Variants in SND1 observed in about 807,000 individuals in gnomAD.
SND1 encodes the protein staphylococcal nuclease and tudor domain containing 1, also known as staphylococcal nuclease domain-containing protein 1.
A neutral mutation model predicts 121.7 loss-of-function variants in SND1; 38 were observed. That is an observed-to-expected ratio of 0.31 (90% CI 0.24 to 0.41). The LOEUF (loss-of-function observed/expected upper bound fraction) is 0.41, where lower values mean the gene tolerates loss of function less well. Among genes scored for constraint, SND1 ranks in the 10% least tolerant of loss-of-function variants. The pLI is 1.00. For missense variants in SND1, 868 were observed against 1,184.6 expected (o/e 0.73, Z 3.92); for synonymous variants, 401 against 447.4 (o/e 0.90, Z 1.31).
chr7:127,704,568 A>G (rs189545020), intron 7 of SND1, among the ~76,000 whole-genome samples: 38 of 152,350 alleles, frequency 2.5e-4, no homozygotes, highest in Admixed American at 1.1e-3. Context: ...ATTCAGTGCC[A>G]CTAGCATTTA....
intron 12 of SND1, among the ~76,000 whole-genome samples, chr7:127,845,342 T>G (rs1361635393): frequency 1.3e-5 from 2 of 152,240 alleles, no homozygotes; most frequent in African/African-American, 4.8e-5. Context: ...ATGACTATTT[T>G]TAGCCACTGC....
chr7:127,729,928 G>A (rs533456700), intron 10 of SND1, among the ~76,000 whole-genome samples: 57 of 152,224 alleles, frequency 3.7e-4, no homozygotes, highest in African/African-American at 1.3e-3. Flanking sequence ...GAAAATCTAC[G>A]GTCAATTTAT....
chr7:127,813,737 A>AT (rs1419696867), intron 11 of SND1, among the ~76,000 whole-genome samples: 5 of 152,024 alleles, frequency 3.3e-5, no homozygotes, highest in East Asian at 1.9e-4. Context: ...AATTTTTTAT[A>AT]TTTTTAGTGG....
intron 16 of SND1, among the ~76,000 whole-genome samples, chr7:128,056,946 A>C (rs935051706): frequency 3.9e-5 from 6 of 152,178 alleles, no homozygotes; most frequent in Admixed American, 6.5e-5. Context: ...ATTCCATGAC[A>C]GTCGATTTGG....
chr7:127,785,329 A>T (rs1797792722), intron 10 of SND1, among the ~76,000 whole-genome samples: 1 of 152,218 alleles, frequency 6.6e-6, no homozygotes, highest in Non-Finnish European at 1.5e-5. Flanking sequence ...AAGATTTTTT[A>T]ATAACTGCTT....
At chr7:127,730,924 C>A (rs1476358892) in intron 10 of SND1, among the ~76,000 whole-genome samples, 1 of 152,248 alleles carries the variant, frequency 6.6e-6, no homozygotes, top group East Asian at 1.9e-4. Context: ...GAACGCGGGA[C>A]TTTTTTCACA....
chr7:127,990,602 A>T (rs1407737881), intron 15 of SND1, among the ~76,000 whole-genome samples: 2 of 152,222 alleles, frequency 1.3e-5, no homozygotes, highest in Non-Finnish European at 2.9e-5. Context: ...GAGATGGCTC[A>T]AGCTGCGAGA....
chr7:127,709,874 G>A (rs774597622), intron 9 of SND1, among the ~76,000 whole-genome samples: 2 of 152,060 alleles, frequency 1.3e-5, no homozygotes, highest in Non-Finnish European at 2.9e-5. Flanking sequence ...TTTAAAACTT[G>A]ACTTTTAAAA....
intron 16 of SND1, among the ~76,000 whole-genome samples, chr7:128,001,169 G>A (rs532190208): frequency 4.6e-5 from 7 of 152,242 alleles, no homozygotes; most frequent in South Asian, 2.1e-4. Flanking sequence ...GAAATGCTGC[G>A]GTGCATGAAA....
At chr7:128,036,614 C>A (rs1792755529) in intron 16 of SND1, among the ~76,000 whole-genome samples, 1 of 152,216 alleles carries the variant, frequency 6.6e-6, no homozygotes, top group Admixed American at 6.5e-5. Context: ...TTAGTACAAA[C>A]GGTAAAGAGA....
chr7:127,743,474 C>T (rs1264171682), intron 10 of SND1, among the ~76,000 whole-genome samples: 1 of 152,200 alleles, frequency 6.6e-6, no homozygotes, highest in Non-Finnish European at 1.5e-5. Flanking sequence ...GCAAAATAGC[C>T]CCCAACGTTT....
chr7:128,090,736 C>T (rs1040487094), intron 22 of SND1, among the ~76,000 whole-genome samples: 5 of 152,176 alleles, frequency 3.3e-5, no homozygotes, highest in Non-Finnish European at 5.9e-5. Flanking sequence ...CATAATGTGT[C>T]GGTGGCTGTG....
chr7:127,944,882 C>T (rs1054263826), intron 15 of SND1, among the ~76,000 whole-genome samples: 3 of 152,194 alleles, frequency 2.0e-5, no homozygotes, highest in South Asian at 2.1e-4. Flanking sequence ...ATCACATATT[C>T]CCATGCATAT....
intron 11 of SND1, among the ~76,000 whole-genome samples, chr7:127,833,295 T>C (rs1295897606): frequency 1.3e-5 from 2 of 149,326 alleles, no homozygotes; most frequent in Non-Finnish European, 3.0e-5. Context: ...AGATGGAGTC[T>C]TGCTCTGTCA....
At chr7:127,825,478 G>T (rs1312744728) in intron 11 of SND1, among the ~76,000 whole-genome samples, 1 of 151,274 alleles carries the variant, frequency 6.6e-6, no homozygotes, top group Non-Finnish European at 1.5e-5. Flanking sequence ...TATGATCTTG[G>T]TTCACTACAA....
At chr7:128,038,682 G>T (rs948645274) in intron 16 of SND1, among the ~76,000 whole-genome samples, 1 of 143,862 alleles carries the variant, frequency 7.0e-6, no homozygotes, top group Non-Finnish European at 1.6e-5. Context: ...ACAGTTACTG[G>T]GTTGGGTTTT....
At chr7:128,001,437 A>G (rs1045593549) in intron 16 of SND1, among the ~76,000 whole-genome samples, 1 of 152,230 alleles carries the variant, frequency 6.6e-6, no homozygotes, top group African/African-American at 2.4e-5. Context: ...CTCAGTGCCT[A>G]TTAGAATTTA....
chr7:127,664,154 T>C (rs1052197975), intron 1 of SND1, among the ~76,000 whole-genome samples: 3 of 152,148 alleles, frequency 2.0e-5, no homozygotes, highest in African/African-American at 7.2e-5. Context: ...TTTTGTATTT[T>C]TTGTAGAGGC....
At chr7:127,859,659 C>G (rs1168552333) in intron 12 of SND1, among the ~76,000 whole-genome samples, 1 of 152,120 alleles carries the variant, frequency 6.6e-6, no homozygotes, top group Non-Finnish European at 1.5e-5. Context: ...GATAGACTCA[C>G]CTGGAGCACT....
Sources: allele counts gnomAD v4.1 joint callset (sites outside exome capture counted in the v4.1 genomes callset), GRCh38; gene constraint gnomAD v4.1.1; transcripts MANE v1.5; gene names NCBI Gene and HGNC (gene_info 2026-07-23, HGNC 2026-07-21).